STAG1: variants seen among roughly 807,000 people sequenced by gnomAD.
STAG1 encodes the protein cohesin subunit SA-1.
STAG1 carries 26 observed loss-of-function variants against 170.9 expected under a neutral mutation model. That is an observed-to-expected ratio of 0.15 (90% CI 0.11 to 0.21). STAG1 has a LOEUF of 0.21. Among genes scored for constraint, STAG1 ranks in the 10% least tolerant of loss-of-function variants. The probability of loss-of-function intolerance (pLI) is 1.00; values close to 1 mark genes in which losing one functional copy is unlikely to be tolerated. For missense variants in STAG1, 964 were observed against 1,509.5 expected (o/e 0.64, Z 5.99); for synonymous variants, 514 against 497.7 (o/e 1.03, Z -0.44).
intron 3 of STAG1, among the ~76,000 whole-genome samples, chr3:136,616,676 C>T (rs904542156): frequency 8.5e-5 from 13 of 152,100 alleles, no homozygotes; most frequent in African/African-American, 2.7e-4. Flanking sequence ...AGGAGTCCTA[C>T]TGGGCAGACT....
At chr3:136,666,929 A>G (rs1001101648) in intron 1 of STAG1, among the ~76,000 whole-genome samples, 7 of 152,148 alleles carry the variant, frequency 4.6e-5, no homozygotes, top group African/African-American at 1.7e-4. Context: ...GAGACAGCTG[A>G]GCATCTAGAA....
At chr3:136,351,782 T>C (rs914569396) in intron 28 of STAG1, among the ~76,000 whole-genome samples, 9 of 152,142 alleles carry the variant, frequency 5.9e-5, no homozygotes, top group Admixed American at 5.2e-4. Flanking sequence ...GTCCCTGGCC[T>C]AAAATGTGGG....
intron 15 of STAG1, among the ~76,000 whole-genome samples, chr3:136,437,340 T>C (rs1297113927): frequency 2.0e-5 from 3 of 152,156 alleles, no homozygotes; most frequent in Non-Finnish European, 4.4e-5. Flanking sequence ...GAAATTTAAT[T>C]GAAATTCCTT....
chr3:136,485,865 G>A (rs2107836378), intron 9 of STAG1, among the ~76,000 whole-genome samples: 1 of 152,296 alleles, frequency 6.6e-6, no homozygotes, highest in East Asian at 1.9e-4. Context: ...TTTAGCCAGT[G>A]TCCACTGTTC....
intron 7 of STAG1, among the ~76,000 whole-genome samples, chr3:136,512,105 A>T (rs1457586591): frequency 2.7e-5 from 4 of 150,242 alleles, no homozygotes; most frequent in Non-Finnish European, 3.0e-5. Context: ...ATAAAAAAAA[A>T]AAAAAAAAAA....
At chr3:136,439,389 G>T (rs909050815) in intron 15 of STAG1, among the ~76,000 whole-genome samples, 1 of 95,834 alleles carries the variant, frequency 1.0e-5, no homozygotes, top group Non-Finnish European at 2.0e-5. Flanking sequence ...AACACCCCCC[G>T]ACACACACAC....
intron 22 of STAG1, among the ~76,000 whole-genome samples, chr3:136,383,617 C>A (rs577767463): frequency 6.6e-6 from 1 of 152,268 alleles, no homozygotes; most frequent in Non-Finnish European, 1.5e-5. Flanking sequence ...CTGATCCTTA[C>A]AACTGTGATA....
chr3:136,738,765 T>C (rs1257522588), intron 1 of STAG1, among the ~76,000 whole-genome samples: 2 of 152,316 alleles, frequency 1.3e-5, no homozygotes, highest in South Asian at 2.1e-4. Flanking sequence ...TATTGGATAC[T>C]TGAAAATGCT....
chr3:136,428,193 G>T (rs1200249109), intron 16 of STAG1, among the ~76,000 whole-genome samples: 4 of 152,132 alleles, frequency 2.6e-5, no homozygotes, highest in African/African-American at 9.7e-5. Flanking sequence ...ATGAAGCTGG[G>T]TTTATGATCA....
chr3:136,720,530 C>CT (rs1933181912), intron 1 of STAG1, among the ~76,000 whole-genome samples: 1 of 152,158 alleles, frequency 6.6e-6, no homozygotes. Flanking sequence ...TGGCTCACAC[C>CT]TGTAATACCA....
At chr3:136,526,691 T>C (rs1432571571) in intron 6 of STAG1, among the ~76,000 whole-genome samples, 1 of 152,224 alleles carries the variant, frequency 6.6e-6, no homozygotes, top group East Asian at 1.9e-4. Context: ...CTAGCATCCA[T>C]GGTCTTTACA....
intron 24 of STAG1, 100 bp downstream of exon 24, chr3:136,369,008 G>T: frequency 8.4e-7 from 1 of 1,184,074 alleles, no homozygotes; most frequent in South Asian, 2.2e-5. Context: ...TTAAAAGAAA[G>T]AAATCTCGAT....
intron 5 of STAG1, among the ~76,000 whole-genome samples, chr3:136,552,724 T>C (rs1186851544): frequency 6.6e-6 from 1 of 152,214 alleles, no homozygotes; most frequent in East Asian, 1.9e-4. Context: ...AAAGTTTTTC[T>C]GGTACTGCAA....
intron 13 of STAG1, among the ~76,000 whole-genome samples, chr3:136,456,339 C>T (rs1260666599): frequency 6.6e-6 from 1 of 152,026 alleles, no homozygotes; most frequent in Non-Finnish European, 1.5e-5. Context: ...ATCAAATATA[C>T]ATCCTAGAAA....
At chr3:136,404,037 C>CA (rs778565410) in intron 21 of STAG1, among the ~76,000 whole-genome samples, 1 of 152,208 alleles carries the variant, frequency 6.6e-6, no homozygotes, top group African/African-American at 2.4e-5. Flanking sequence ...TGTCAAGCTT[C>CA]ACTCTTAGCC....
chr3:136,420,239 T>A (rs1423037262), intron 20 of STAG1, among the ~76,000 whole-genome samples: 3 of 115,428 alleles, frequency 2.6e-5, no homozygotes, highest in African/African-American at 3.4e-5. Flanking sequence ...AGAGTGAGAC[T>A]CTGTCAAAAA....
chr3:136,643,393 G>C (rs988064561), intron 1 of STAG1, among the ~76,000 whole-genome samples: 2 of 152,178 alleles, frequency 1.3e-5, no homozygotes, highest in African/African-American at 2.4e-5. Flanking sequence ...AGTTCTATGA[G>C]GTGATAAATT....
intron 1 of STAG1, among the ~76,000 whole-genome samples, chr3:136,697,720 C>G (rs1942940409): frequency 6.6e-6 from 1 of 152,216 alleles, no homozygotes; most frequent in Non-Finnish European, 1.5e-5. Context: ...ACTCCGTTTA[C>G]TTCAGCTCCC....
chr3:136,356,789 G>A (rs1225795495), intron 28 of STAG1, among the ~76,000 whole-genome samples: 13 of 152,042 alleles, frequency 8.6e-5, no homozygotes, highest in Non-Finnish European at 4.4e-5. Context: ...GTCTCGCTCT[G>A]TCACCCAGGC....
Sources: allele counts gnomAD v4.1 joint callset (sites outside exome capture counted in the v4.1 genomes callset), GRCh38; gene constraint gnomAD v4.1.1; transcripts MANE v1.5; gene names NCBI Gene and HGNC (gene_info 2026-07-23, HGNC 2026-07-21).